The following BIN1 variants were observed in gnomAD, a reference collection of about 807,000 sequenced individuals.
BIN1 encodes the protein bridging integrator 1, also known as myc box-dependent-interacting protein 1.
Under a neutral mutation model 82.0 loss-of-function variants are expected in BIN1, and 53 were observed. The ratio of observed to expected loss-of-function variants is 0.65; its 90% CI spans 0.52 to 0.81. BIN1 has a LOEUF of 0.81. Ranked by LOEUF, BIN1 falls within the 40% of genes least tolerant of loss-of-function variation. The pLI, the probability that BIN1 is intolerant of heterozygous loss-of-function variation, is 0.00. For synonymous variants in BIN1, 302 were observed against 328.0 expected (o/e 0.92, Z 0.86); for missense variants, 642 against 784.4 (o/e 0.82, Z 2.17).
At position 127,067,152 on chromosome 2, in the gene BIN1, A is replaced by G. The variant is rs1448040756; in HGVS notation, c.612+1011T>C. Among the ~76,000 whole-genome samples, 6 of 151,960 alleles carry G rather than the reference A, an allele frequency of 3.9e-5. No individual in the cohort carries two copies. The highest frequency in any genetic ancestry group is 8.8e-5 in the Non-Finnish European group (6 of 67,986). On this transcript the variant is annotated intron_variant, in intron 7 of 18. Coordinates refer to ENST00000316724, the MANE Select transcript of BIN1 (RefSeq NM_139343.3). The surrounding 1 kb of genome is among the most constrained non-coding windows in gnomAD (Gnocchi z 4.7). ...GAGCTCTCCACGTCACAGGCACTCA[A>G]TGAAGATGATGAAATCAAGAGGAGG... is the stretch of plus-strand genomic sequence containing the variant.
rs78116847 is a variant in BIN1 at position 127,067,428 on chromosome 2, C to G, written c.612+735G>C. On this transcript the variant is annotated intron_variant, in intron 7 of 18. Transcript: ENST00000316724. The surrounding 1 kb of genome is among the most constrained non-coding windows in gnomAD (Gnocchi z 4.7). ...CAGGGGGCTGAGAAGACCATAGCCTCTATGGCCAGGATGGTGAGATGGCCC... is the reference window on the plus strand; with the variant it reads ...CAGGGGGCTGAGAAGACCATAGCCTGTATGGCCAGGATGGTGAGATGGCCC... 0.03 allele frequency among the ~76,000 whole-genome samples: 4,578 copies of G among 152,312 alleles called. 199 individuals are homozygous for G. The highest frequency in any genetic ancestry group is 0.1 in the African/African-American group (4,307 of 41,542).
intron 15 of BIN1, 47 bp from the exon 16 acceptor site, chr2:127,051,290 G>T: frequency 6.3e-7 from 1 of 1,596,466 alleles, no homozygotes; most frequent in Non-Finnish European, 8.6e-7. Flanking sequence ...ACAGGACACA[G>T]CCAGGACACA....
At chr2:127,071,645 G>T (rs1685911788) in intron 2 of BIN1, among the ~76,000 whole-genome samples, 1 of 152,176 alleles carries the variant, frequency 6.6e-6, no homozygotes, top group African/African-American at 2.4e-5. Flanking sequence ...TGAACAATAG[G>T]TGAGGCCAGC....
At chr2:127,099,158 G>A (rs746979) in intron 1 of BIN1, among the ~76,000 whole-genome samples, 59,791 of 152,072 alleles carry the variant, frequency 0.39, 11,987 homozygotes, top group Middle Eastern at 0.49. Flanking sequence ...AGCCATCAGT[G>A]CTGTCTCCCC....
At chr2:127,081,805 AC>A in intron 1 of BIN1, 1 of 1,286,532 alleles carries the variant, frequency 7.8e-7, no homozygotes, top group South Asian at 1.2e-5. Flanking sequence ...AGCTGCTGAG[AC>A]CCCAGAAAAC....
At chr2:127,105,698 T>G (rs1681009101) in intron 1 of BIN1, among the ~76,000 whole-genome samples, 1 of 151,950 alleles carries the variant, frequency 6.6e-6, no homozygotes. Flanking sequence ...GTTGCATCCT[T>G]AGGGAGCCCG....
At chr2:127,096,921 C>T (rs1474152034) in intron 1 of BIN1, among the ~76,000 whole-genome samples, 1 of 152,184 alleles carries the variant, frequency 6.6e-6, no homozygotes, top group Non-Finnish European at 1.5e-5. Context: ...CAAAGGCTCT[C>T]CTGGCACCCA....
rs764576627 is a variant in BIN1 at position 127,063,644 on chromosome 2, C to T, written c.701G>A (p.Arg234His). The T allele has an allele frequency of 1.1e-5, 18 of 1,613,486 alleles. No individual in the cohort carries two copies. Among genetic ancestry groups the T allele is most frequent in the South Asian group, 2.2e-5 (2 of 90,940 alleles). Residue 234 changes from arginine (R) to histidine (H), a missense_variant and splice_region_variant, in exon 9 of 19, where the codon CGC becomes CAC. Physicochemically the swap from Arg to His is conservative, Grantham distance 29 (BLOSUM62 0). Coordinates refer to ENST00000316724, the MANE Select transcript of BIN1 (RefSeq NM_139343.3). ...GAACGTGTTGACGTAGAAACCTACG[C>T]GGCTACAGAAGGGCGGAAGGATGGG... The part of the protein sequence containing the change: ...QEELPSLWNS[R>H]VGFYVNTFQS...
In BIN1 at chr2:127,050,541, G is replaced by A. The variant is rs375440790; in HGVS notation, c.1573-19C>T. 6.4e-5 allele frequency: 103 copies of A among 1,613,456 alleles called. 1 individual carries two copies. The South Asian group carries it at 9.8e-4, about 15-fold the overall frequency. ...CCTGTACCTGCAGAGGATGCGGATC[G>A]CAAGTCAGACCTTCCGTCCCACCTC... On this transcript the variant is annotated intron_variant, in intron 17 of 18. Coordinates refer to ENST00000316724, the MANE Select transcript of BIN1 (RefSeq NM_139343.3).
rs1456722744 is a variant in BIN1 at position 127,074,621 on chromosome 2, T to C, written c.165+2005A>G. ...GACAGTGGAGACAGCAACACTGTGG[T>C]TTCAGCCCTGGGGCCAGGCCACACA... is the stretch of plus-strand genomic sequence containing the variant. On this transcript the variant is annotated intron_variant, in intron 2 of 18. Transcript: ENST00000316724. Among the ~76,000 whole-genome samples the C allele has an allele frequency of 2.6e-5, 4 of 152,330 alleles. 1 individual carries two copies. Among genetic ancestry groups the C allele is most frequent in the Admixed American group, 6.5e-5 (1 of 15,306 alleles).
intron 11 of BIN1, among the ~76,000 whole-genome samples, chr2:127,058,274 G>C (rs1683966838): frequency 6.6e-6 from 1 of 152,212 alleles, no homozygotes; most frequent in Non-Finnish European, 1.5e-5. Context: ...ATACACAGAA[G>C]GCACTGGCAC....
intron 18 of BIN1, among the ~76,000 whole-genome samples, chr2:127,049,905 G>A (rs574385548): frequency 6.6e-5 from 10 of 152,358 alleles, no homozygotes; most frequent in East Asian, 5.8e-4. Context: ...AGCCTCAGCC[G>A]GGGACACAGC....
At chr2:127,064,080 C>G in intron 7 of BIN1, 62 bp from the exon 8 acceptor site, 1 of 1,591,596 alleles carries the variant, frequency 6.3e-7, no homozygotes, top group Non-Finnish European at 8.6e-7. Flanking sequence ...GCCCCATGGC[C>G]AGTCCTCCCA....
chr2:127,061,278 G>T (rs1466785446), intron 10 of BIN1, among the ~76,000 whole-genome samples: 1 of 146,070 alleles, frequency 6.8e-6, no homozygotes, highest in Non-Finnish European at 1.5e-5. Flanking sequence ...GGTCACCATG[G>T]CCCCTCTCTC....
At chr2:127,076,730 G>T in intron 1 of BIN1, 24 bp from the exon 2 acceptor site, 1 of 1,613,506 alleles carries the variant, frequency 6.2e-7, no homozygotes, top group Middle Eastern at 1.7e-4. Flanking sequence ...GAGAGAAGGG[G>T]AGAGTGTTAC....
chr2:127,059,721 A>T lies in BIN1; in HGVS notation c.858-566T>A, dbSNP rs1198422865. Among the ~76,000 whole-genome samples the T allele has an allele frequency of 6.6e-6, 1 of 152,080 alleles. No homozygotes were observed. The highest frequency in any genetic ancestry group is 2.4e-5 in the African/African-American group (1 of 41,400). ...GAGGCCACAAGCAGGGCCTGGACAA[A>T]CTAAGAGAGGCGTCCTCATCACAGA... On this transcript the variant is annotated intron_variant, in intron 10 of 18. Coordinates refer to ENST00000316724, the MANE Select transcript of BIN1 (RefSeq NM_139343.3). This position sits in a 1 kb window ranked among gnomAD's most constrained non-coding sequence, Gnocchi z 6.7.
rs372426814 is a variant in BIN1 at position 127,051,835 on chromosome 2, G to A, written c.1371+420C>T. Among the ~76,000 whole-genome samples the A allele has an allele frequency of 4.6e-5, 7 of 152,320 alleles. No individual in the cohort carries two copies. The South Asian group carries it at 6.2e-4, about 14-fold the overall frequency. On this transcript the variant is annotated intron_variant, in intron 15 of 18. Transcript: ENST00000316724. ...CCCCAGAGCTGGGCTGACCTGGGCC[G>A]ACACTCAGACTTGGCCACTTCTGAG...
rs369109244 is a variant in BIN1, at chr2:127,069,294, C to T, written c.412-263G>A. Reference sequence around the variant, plus strand: ...TGGTGACGTGTCAGCCAAGTCTTTTCCTTGGCCTGGCCCCTGGCTTCTCAT... The same window carrying T: ...TGGTGACGTGTCAGCCAAGTCTTTTTCTTGGCCTGGCCCCTGGCTTCTCAT... On this transcript the variant is annotated intron_variant, in intron 5 of 18. Transcript: ENST00000316724. 9.2e-5 allele frequency among the ~76,000 whole-genome samples: 14 copies of T among 152,294 alleles called. No individual in the cohort carries two copies. The East Asian group carries it at 2.3e-3, about 25-fold the overall frequency.
chr2:127,061,355 C>T (rs1684463729), intron 10 of BIN1, among the ~76,000 whole-genome samples: 1 of 152,208 alleles, frequency 6.6e-6, no homozygotes, highest in Non-Finnish European at 1.5e-5. Flanking sequence ...CTCATCATCC[C>T]AGGCAATACC....
Sources: gnomAD v4.1 joint callset for allele counts (sites outside exome capture counted in the v4.1 genomes callset) on GRCh38, gnomAD v4.1.1 for gene constraint, Gnocchi (gnomAD v3.1) non-coding constraint, MANE v1.5 for transcripts, NCBI Gene and HGNC (gene_info 2026-07-23, HGNC 2026-07-21) for gene names.